Variants in NBEA observed in about 807,000 individuals in gnomAD.
The protein encoded by NBEA is lysosomal-trafficking regulator 2.
A neutral mutation model predicts 343.4 loss-of-function variants in NBEA; 44 were observed. That is an observed-to-expected ratio of 0.13 (90% CI 0.10 to 0.16). The LOEUF (loss-of-function observed/expected upper bound fraction) is 0.16, where lower values mean the gene tolerates loss of function less well. Ranked by LOEUF, NBEA falls within the 10% of genes least tolerant of loss-of-function variation. NBEA has a pLI of 1.00. For synonymous variants in NBEA, 1,175 were observed against 1,238.7 expected, an observed-to-expected ratio of 0.95 and a Z score of 1.08; for missense variants, 2,555 against 3,631.3, an observed-to-expected ratio of 0.70 and a Z score of 7.62.
intron 41 of NBEA, among the ~76,000 whole-genome samples, chr13:35,519,235 G>A (rs1414126941): frequency 1.8e-4 from 28 of 151,970 alleles, no homozygotes; most frequent in Admixed American, 1.8e-3. Flanking sequence ...AAAATTTTCT[G>A]TTGGTTTCAC....
intron 24 of NBEA, chr13:35,165,122 C>T (rs774934345): frequency 9.4e-6 from 5 of 533,930 alleles, no homozygotes; most frequent in Non-Finnish European, 1.9e-5. Context: ...GAAACTCATC[C>T]TTAAGCTCAG....
intron 34 of NBEA, among the ~76,000 whole-genome samples, chr13:35,259,227 C>T (rs1408266923): frequency 2.0e-5 from 3 of 152,106 alleles, no homozygotes; most frequent in Non-Finnish European, 4.4e-5. Flanking sequence ...TTATTTTTAG[C>T]TCGGCACCAG....
chr13:35,450,701 C>T (rs1257555352), intron 39 of NBEA, among the ~76,000 whole-genome samples: 1 of 152,150 alleles, frequency 6.6e-6, no homozygotes, highest in Admixed American at 6.5e-5. Context: ...ATAAGGCTCC[C>T]ATTTCCAGGA....
intron 48 of NBEA, among the ~76,000 whole-genome samples, chr13:35,618,107 A>G (rs1465180511): frequency 6.6e-6 from 1 of 152,228 alleles, no homozygotes; most frequent in Admixed American, 6.5e-5. Flanking sequence ...GATTATCTTC[A>G]GTTATTTGAA....
intron 36 of NBEA, among the ~76,000 whole-genome samples, chr13:35,336,143 C>G (rs1369904186): frequency 6.6e-6 from 1 of 152,002 alleles, no homozygotes; most frequent in Non-Finnish European, 1.5e-5. Flanking sequence ...ACAAAGAATG[C>G]AAACCATACA....
At chr13:35,399,755 T>C (rs961887358) in intron 38 of NBEA, among the ~76,000 whole-genome samples, 3 of 152,124 alleles carry the variant, frequency 2.0e-5, no homozygotes, top group African/African-American at 7.2e-5. Context: ...TTTCAACATG[T>C]CTTCCTCACT....
intron 34 of NBEA, among the ~76,000 whole-genome samples, chr13:35,234,388 AG>A (rs2075125943): frequency 6.6e-6 from 1 of 152,168 alleles, no homozygotes; most frequent in African/African-American, 2.4e-5. Flanking sequence ...TAATTTAAAT[AG>A]CTTTGTTCTA....
At chr13:35,391,023 C>T (rs1002177873) in intron 38 of NBEA, among the ~76,000 whole-genome samples, 5 of 152,016 alleles carry the variant, frequency 3.3e-5, no homozygotes, top group Non-Finnish European at 7.4e-5. Flanking sequence ...GCCTGTAATC[C>T]CAACACTTTG....
chr13:35,476,393 A>T (rs909204975), intron 41 of NBEA: 4 of 1,111,526 alleles, frequency 3.6e-6, no homozygotes, highest in Non-Finnish European at 1.3e-6. Context: ...GCCGTTCTTA[A>T]AGTGAAAGAC....
At chr13:35,349,494 A>C (rs559530519) in intron 37 of NBEA, among the ~76,000 whole-genome samples, 60 of 152,150 alleles carry the variant, frequency 3.9e-4, no homozygotes, top group Non-Finnish European at 6.6e-4. Flanking sequence ...AAAATAATTT[A>C]TAATGCAACA....
At chr13:35,153,285 G>A (rs868023800) in intron 18 of NBEA, among the ~76,000 whole-genome samples, 2 of 151,794 alleles carry the variant, frequency 1.3e-5, no homozygotes, top group South Asian at 4.2e-4. Context: ...CACCCACCTC[G>A]GCCTCCCAAA....
chr13:35,143,355 T>C (rs2068203319), intron 18 of NBEA, among the ~76,000 whole-genome samples: 2 of 152,220 alleles, frequency 1.3e-5, no homozygotes, highest in African/African-American at 4.8e-5. Context: ...CAGTGTTTCA[T>C]GTACCACTTG....
chr13:35,060,438 A>G (rs1417304009), intron 8 of NBEA, among the ~76,000 whole-genome samples: 2 of 151,794 alleles, frequency 1.3e-5, no homozygotes, highest in African/African-American at 2.4e-5. Context: ...CCCTGTCATC[A>G]TGTGTACACA....
intron 38 of NBEA, among the ~76,000 whole-genome samples, chr13:35,400,751 T>C (rs1474964564): frequency 1.3e-5 from 2 of 152,058 alleles, no homozygotes; most frequent in Non-Finnish European, 2.9e-5. Context: ...GGATTCAGAC[T>C]ATGGGATGAT....
intron 33 of NBEA, among the ~76,000 whole-genome samples, chr13:35,230,712 T>C (rs1426774948): frequency 6.6e-6 from 1 of 152,048 alleles, no homozygotes; most frequent in African/African-American, 2.4e-5. Context: ...ATTATGCTTA[T>C]TCGGTGACTT....
In NBEA at chr13:35,058,615, T is replaced by G; in HGVS notation, c.1093-102T>G. On this transcript the variant is annotated intron_variant, in intron 7 of 58. Transcript: ENST00000379939. The stretch of plus-strand genomic sequence containing the variant: ...AATTGATGCTTTCTTCTATTATTAT[T>G]GTTATATTTTAAAATATTCATGATA... 14 of 871,142 alleles carry G rather than the reference T, an allele frequency of 1.6e-5. 1 individual carries two copies. In the South Asian group the frequency reaches 2.4e-4, roughly 15 times the overall value. The allele number at this position is 871,142 out of a possible 1,614,324, so 54.0% of individuals were successfully genotyped here.
rs1225160017 is a variant in NBEA, at chr13:35,138,166, TA to T, written c.2337-4102del. 1.3e-4 allele frequency among the ~76,000 whole-genome samples: 20 copies of T among 152,270 alleles called. No homozygotes were observed. The East Asian group carries it at 2.7e-3, about 21-fold the overall frequency. On this transcript the variant is annotated intron_variant, in intron 17 of 58. Coordinates refer to ENST00000379939, the MANE Select transcript of NBEA (RefSeq NM_001385012.1). Reference sequence around the variant, plus strand: ...GTCAATGAAAATAAGATCTACTTTTTACATACCAAATTGACTATTTTTCTGA... The same window carrying T: ...GTCAATGAAAATAAGATCTACTTTTTCATACCAAATTGACTATTTTTCTGA...
At chr13:35,299,207 T>A (rs1482210008) in intron 35 of NBEA, among the ~76,000 whole-genome samples, 2 of 152,184 alleles carry the variant, frequency 1.3e-5, no homozygotes, top group South Asian at 2.1e-4. Context: ...AATTCTGGAA[T>A]TCTTGAAGAC....
chr13:35,083,013 T>A (rs969847453), intron 10 of NBEA, among the ~76,000 whole-genome samples: 4 of 152,176 alleles, frequency 2.6e-5, no homozygotes, highest in African/African-American at 9.7e-5. Context: ...TCCTGAATGG[T>A]ATTGCCTAGG....
Sources: gnomAD v4.1 joint callset for allele counts (sites outside exome capture counted in the v4.1 genomes callset) on GRCh38, gnomAD v4.1.1 for gene constraint, MANE v1.5 for transcripts, NCBI Gene and HGNC (gene_info 2026-07-23, HGNC 2026-07-21) for gene names.